ZNRF2: variants seen among roughly 807,000 people sequenced by gnomAD.
ZNRF2 encodes E3 ubiquitin-protein ligase ZNRF2.
Under a neutral mutation model 20.4 loss-of-function variants are expected in ZNRF2, and 16 were observed. The observed-to-expected ratio is 0.79, with a 90% CI of 0.53 to 1.19. The LOEUF is 1.19. Among genes scored for constraint, ZNRF2 ranks in the 50% most tolerant of loss-of-function variants. The probability of loss-of-function intolerance (pLI) is 0.00; values close to 1 mark genes in which losing one functional copy is unlikely to be tolerated. For missense variants in ZNRF2, 363 were observed against 332.4 expected, an observed-to-expected ratio of 1.09 and a Z score of -0.72; for synonymous variants, 178 against 144.9, an observed-to-expected ratio of 1.23 and a Z score of -1.64.
intron 1 of ZNRF2, among the ~76,000 whole-genome samples, chr7:30,309,125 TA>T (rs963459783): frequency 1.3e-5 from 2 of 152,152 alleles, no homozygotes; most frequent in Non-Finnish European, 2.9e-5. Context: ...CTTTTTACTT[TA>T]AAAAGTTAGA....
At chr7:30,295,014 GGAGA>G (rs1161510140) in intron 1 of ZNRF2, among the ~76,000 whole-genome samples, 370 of 25,208 alleles carry the variant, frequency 0.015, 8 homozygotes, top group South Asian at 0.03. Flanking sequence ...AGGGAGGGAA[GGAGA>G]GAGAGAGAGA....
intron 4 of ZNRF2, among the ~76,000 whole-genome samples, chr7:30,363,839 T>C (rs138541527): frequency 6.4e-4 from 97 of 152,312 alleles, no homozygotes; most frequent in African/African-American, 2.3e-3. Context: ...AATTGCTATC[T>C]TCAAATATAT....
At position 30,284,803 on chromosome 7, in the gene ZNRF2, G is replaced by A. The variant is rs192617549; in HGVS notation, c.-555G>A. 1 of 188,130 alleles carries A rather than the reference G, an allele frequency of 5.3e-6. No individual in the cohort carries two copies. The highest frequency in any genetic ancestry group is 2.4e-5 in the African/African-American group (1 of 41,680). The allele number at this position is 188,130 out of a possible 1,614,324, so 11.7% of individuals were successfully genotyped here. On this transcript the variant is annotated 5_prime_UTR_variant, in exon 1 of 5. Coordinates refer to ENST00000323037, the MANE Select transcript of ZNRF2 (RefSeq NM_147128.4). Reference sequence around the variant, plus strand: ...CCCTCCCATTTTTCGTTCTCCCCTCGCGCGCCACCCGTTTTTCCTCTTTCT... The same window carrying A: ...CCCTCCCATTTTTCGTTCTCCCCTCACGCGCCACCCGTTTTTCCTCTTTCT...
chr7:30,312,471 T>TA (rs1414269799), intron 1 of ZNRF2, among the ~76,000 whole-genome samples: 1 of 152,138 alleles, frequency 6.6e-6, no homozygotes, highest in Non-Finnish European at 1.5e-5. Context: ...CTGTCTTTGT[T>TA]CAATTGAGTA....
intron 1 of ZNRF2, among the ~76,000 whole-genome samples, chr7:30,302,395 T>C (rs890144506): frequency 4.5e-4 from 68 of 152,318 alleles, no homozygotes; most frequent in Non-Finnish European, 8.1e-4. Flanking sequence ...CAGCGCATGT[T>C]GCAATAGGTT....
intron 1 of ZNRF2, among the ~76,000 whole-genome samples, chr7:30,297,727 T>C (rs1799040697): frequency 6.9e-6 from 1 of 144,780 alleles, no homozygotes; most frequent in African/African-American, 2.9e-5. Context: ...GTCAGCTGCT[T>C]TCTGTGATTT....
chr7:30,320,262 A>C (rs1799448510), intron 1 of ZNRF2, among the ~76,000 whole-genome samples: 1 of 152,122 alleles, frequency 6.6e-6, no homozygotes, highest in South Asian at 2.1e-4. Flanking sequence ...TTCTCTATAT[A>C]AATAATTTAT....
At position 30,285,874 on chromosome 7, in the gene ZNRF2, A is replaced by T. The variant is rs367818814; in HGVS notation, c.469+48A>T. On this transcript the variant is annotated intron_variant, in intron 1 of 4. Transcript: ENST00000323037. The stretch of plus-strand genomic sequence containing the variant: ...CCGCGCTCGGTCCTCCCGCGGCTGC[A>T]CGTGGGCCGTGGCCGCCGGCTATTT... 4.0e-3 allele frequency: 5,609 copies of T among 1,402,588 alleles called. 16 individuals carry two copies. The highest frequency in any genetic ancestry group is 4.7e-3 in the Non-Finnish European group (5,129 of 1,080,064). 86.9% of individuals were successfully genotyped at this position (1,402,588 alleles called of 1,614,324 possible).
intron 2 of ZNRF2, 116 bp downstream of exon 2, chr7:30,323,853 T>C: frequency 1.5e-6 from 1 of 664,160 alleles, no homozygotes; most frequent in Non-Finnish European, 2.3e-6. Flanking sequence ...CTATTTTTAC[T>C]AGTGCATTAA....
intron 2 of ZNRF2, among the ~76,000 whole-genome samples, chr7:30,353,433 G>A (rs977118404): frequency 9.2e-5 from 14 of 152,064 alleles, no homozygotes; most frequent in African/African-American, 3.4e-4. Flanking sequence ...GTTTAAGGGA[G>A]CTTATTTTTT....
chr7:30,360,659 C>T (rs534595624), intron 3 of ZNRF2, among the ~76,000 whole-genome samples: 1 of 152,240 alleles, frequency 6.6e-6, no homozygotes, highest in South Asian at 2.1e-4. Flanking sequence ...GTTGCCACTG[C>T]ACTTCAGGCT....
chr7:30,320,964 T>C (rs1562612002), intron 1 of ZNRF2, among the ~76,000 whole-genome samples: 1 of 152,338 alleles, frequency 6.6e-6, no homozygotes, highest in African/African-American at 2.4e-5. Context: ...TGTATCATTC[T>C]GTGAGACCTT....
intron 1 of ZNRF2, among the ~76,000 whole-genome samples, chr7:30,286,677 G>A (rs1450050867): frequency 6.6e-6 from 1 of 152,174 alleles, no homozygotes; most frequent in African/African-American, 2.4e-5. Flanking sequence ...CTTCAGTTAT[G>A]TTTTATGCTG....
intron 2 of ZNRF2, among the ~76,000 whole-genome samples, chr7:30,340,719 C>T (rs1799781270): frequency 6.6e-6 from 1 of 152,016 alleles, no homozygotes; most frequent in Admixed American, 6.5e-5. Flanking sequence ...TGTTGTGTCT[C>T]TGCCAGGTTT....
Position 30,355,796 on chromosome 7 carries a change from A to C in ZNRF2, c.634A>C (p.Ile212Leu), listed in dbSNP as rs1282002657. 6.2e-7 allele frequency: 1 copy of C among 1,613,640 alleles called. No homozygotes were observed. Among genetic ancestry groups the C allele is most frequent in the Non-Finnish European group, 8.5e-7 (1 of 1,179,724 alleles). Reference protein sequence around the residue: ...CLEELQQGDTIARLPCLCIYH... With the variant: ...CLEELQQGDTLARLPCLCIYH... ...TGAAGAATTGCAGCAGGGAGATACT[A>C]TAGCACGACTGCCTTGTCTATGCAT... Residue 212 changes from isoleucine to leucine, a missense_variant, in exon 3 of 5, where the codon ATA (isoleucine) becomes CTA (leucine). This residue lies in a region of ZNRF2 where 61 missense variants were observed against 100.9 expected (regional missense o/e 0.60). Transcript: ENST00000323037.
intron 3 of ZNRF2, among the ~76,000 whole-genome samples, chr7:30,356,699 ATTTTTTTTT>A: frequency 1.4e-5 from 1 of 73,232 alleles, no homozygotes; most frequent in Non-Finnish European, 2.6e-5. Context: ...ATAACATTGT[ATTTTTTTTT>A]TTTTTTTTTT....
chr7:30,364,881 G>T (rs1294840298), intron 4 of ZNRF2, among the ~76,000 whole-genome samples: 1 of 152,154 alleles, frequency 6.6e-6, no homozygotes, highest in South Asian at 2.1e-4. Context: ...AAGCTGGGAA[G>T]TCTAAGATCA....
chr7:30,364,262 C>T (rs553848884), intron 4 of ZNRF2, among the ~76,000 whole-genome samples: 2 of 152,248 alleles, frequency 1.3e-5, no homozygotes, highest in Non-Finnish European at 2.9e-5. Context: ...CATAAGACTA[C>T]GCATGTGCAT....
At chr7:30,299,986 G>C (rs958058872) in intron 1 of ZNRF2, among the ~76,000 whole-genome samples, 2 of 151,670 alleles carry the variant, frequency 1.3e-5, no homozygotes, top group African/African-American at 4.8e-5. Context: ...GGTTTTCACT[G>C]TGTTAGCCAG....
Sources: gnomAD v4.1 joint callset for allele counts (sites outside exome capture counted in the v4.1 genomes callset) on GRCh38, gnomAD v4.1.1 for gene constraint, gnomAD v4.1.1 regional missense constraint, MANE v1.5 for transcripts, NCBI Gene and HGNC (gene_info 2026-07-23, HGNC 2026-07-21) for gene names.